Variants in AGBL1 observed in about 807,000 individuals in gnomAD.
AGBL1 encodes AGBL carboxypeptidase 1, also known as cytosolic carboxypeptidase 4.
A neutral mutation model predicts 118.9 loss-of-function variants in AGBL1; 130 were observed. That is an observed-to-expected ratio of 1.09 (90% CI 0.95 to 1.26). AGBL1 has a LOEUF of 1.26. AGBL1 is among the 50% of genes most tolerant of loss of function. The pLI, the probability that AGBL1 is intolerant of heterozygous loss-of-function variation, is 0.00. For synonymous variants in AGBL1, 555 were observed against 478.9 expected (o/e 1.16, Z -2.08); for missense variants, 1,584 against 1,298.1 (o/e 1.22, Z -3.38).
In AGBL1 at chr15:86,295,400, A is replaced by G. The variant is rs2079618777; in HGVS notation, c.2366A>G (p.Glu789Gly). The G allele has an allele frequency of 6.4e-7, 1 of 1,571,756 alleles. No homozygotes were observed. The highest frequency in any genetic ancestry group is 1.4e-5 in the African/African-American group (1 of 72,684). Reference sequence around the variant, plus strand: ...GAGTCCAACAGTGATGAGCATCTAGAGCAGTTCCGTGAGTAAAATGGGATC... The same window carrying G: ...GAGTCCAACAGTGATGAGCATCTAGGGCAGTTCCGTGAGTAAAATGGGATC... ...MPESNSDEHL[E>G]QFRHRPYQVI... Residue 789 changes from glutamate to glycine, a missense_variant, in exon 17 of 23, where the codon GAG (glutamate) becomes GGG (glycine). Transcript: ENST00000614907.
At chr15:86,761,375 G>C (rs1300134829) in intron 22 of AGBL1, among the ~76,000 whole-genome samples, 1 of 152,042 alleles carries the variant, frequency 6.6e-6, no homozygotes, top group Non-Finnish European at 1.5e-5. Context: ...TTGTGTTTCT[G>C]AATTCATGCA....
chr15:86,342,626 G>C (rs576808809), intron 17 of AGBL1, among the ~76,000 whole-genome samples: 2 of 152,234 alleles, frequency 1.3e-5, no homozygotes, highest in East Asian at 3.9e-4. Flanking sequence ...TGAATACCTT[G>C]GACTTCAGGG....
At chr15:86,833,660 C>A (rs1441574009) in intron 22 of AGBL1, among the ~76,000 whole-genome samples, 3 of 152,032 alleles carry the variant, frequency 2.0e-5, no homozygotes, top group Non-Finnish European at 4.4e-5. Flanking sequence ...CATTTCAGAC[C>A]AAAAGAATGC....
intron 22 of AGBL1, among the ~76,000 whole-genome samples, chr15:86,703,228 G>A (rs1306153804): frequency 6.6e-6 from 1 of 152,110 alleles, no homozygotes; most frequent in Non-Finnish European, 1.5e-5. Context: ...TTTTTTAAAT[G>A]CCTAGACGAA....
At position 86,615,499 on chromosome 15, in the gene AGBL1, A is replaced by G. The variant is rs961876148; in HGVS notation, c.2995-58774A>G. Among the ~76,000 whole-genome samples, 1 of 152,240 alleles carries G rather than the reference A, an allele frequency of 6.6e-6. No individual in the cohort carries two copies. The highest frequency in any genetic ancestry group is 1.5e-5 in the Non-Finnish European group (1 of 68,048). ...CAACACAAATTGCAGGAACAGATGTAGAGGAAATGAAAAATATTCCTTGTG... is the reference window on the plus strand; with the variant it reads ...CAACACAAATTGCAGGAACAGATGTGGAGGAAATGAAAAATATTCCTTGTG... On this transcript the variant is annotated intron_variant, in intron 21 of 22. Coordinates refer to ENST00000614907, the MANE Select transcript of AGBL1 (RefSeq NM_001386094.1). The surrounding 1 kb of genome is among the most constrained non-coding windows in gnomAD (Gnocchi z 4.3).
At chr15:86,763,190 C>A (rs11635918) in intron 22 of AGBL1, among the ~76,000 whole-genome samples, 1 of 151,826 alleles carries the variant, frequency 6.6e-6, no homozygotes, top group Non-Finnish European at 1.5e-5. Flanking sequence ...AACAATAATA[C>A]TATAGATATG....
At chr15:86,444,082 G>C (rs1175252550) in intron 18 of AGBL1, among the ~76,000 whole-genome samples, 1 of 152,150 alleles carries the variant, frequency 6.6e-6, no homozygotes, top group Non-Finnish European at 1.5e-5. Context: ...CAGTGTACCA[G>C]CATTCCCCTT....
intron 18 of AGBL1, among the ~76,000 whole-genome samples, chr15:86,403,783 C>T (rs999189388): frequency 6.6e-6 from 1 of 152,152 alleles, no homozygotes; most frequent in Non-Finnish European, 1.5e-5. Context: ...GTCTATCCCA[C>T]ATTACTTTGC....
intron 18 of AGBL1, among the ~76,000 whole-genome samples, chr15:86,508,178 T>C (rs949337289): frequency 6.6e-6 from 1 of 151,948 alleles, no homozygotes; most frequent in Admixed American, 6.6e-5. Flanking sequence ...CACCTTGGCC[T>C]CCCAAAGTGC....
At chr15:86,952,195 C>A (rs1471061161) in intron 23 of AGBL1, among the ~76,000 whole-genome samples, 1 of 151,402 alleles carries the variant, frequency 6.6e-6, no homozygotes, top group Non-Finnish European at 1.5e-5. Flanking sequence ...CACGCTGCTG[C>A]ACTCCAGCCT....
At chr15:86,806,771 A>T (rs1026078693) in intron 22 of AGBL1, among the ~76,000 whole-genome samples, 4 of 151,118 alleles carry the variant, frequency 2.6e-5, no homozygotes, top group African/African-American at 9.7e-5. Context: ...TATTAATTAT[A>T]TACATAATGC....
chr15:86,247,962 A>C, intron 7 of AGBL1, 83 bp downstream of exon 7: 1 of 1,493,314 alleles, frequency 6.7e-7, no homozygotes, highest in Non-Finnish European at 9.3e-7. Context: ...CATCCCAGAT[A>C]GAGCTGGGAA....
chr15:86,308,366 T>C (rs986377707), intron 17 of AGBL1, among the ~76,000 whole-genome samples: 5 of 152,182 alleles, frequency 3.3e-5, no homozygotes, highest in Non-Finnish European at 4.4e-5. Flanking sequence ...GATTACTCCC[T>C]TTCTCTCTGC....
chr15:86,522,938 T>C lies in AGBL1; in HGVS notation c.2684T>C (p.Val895Ala). The change falls in exon 19 of 23, where the codon GTG becomes GCG. Residue 895 changes from valine (V) to alanine (A), a missense_variant and splice_region_variant. Coordinates refer to ENST00000614907, the MANE Select transcript of AGBL1 (RefSeq NM_001386094.1). ...CTGAGCAGCATTGGCCGAAGTCCCGTGGTGAGTCACTTCCTTCTGCCTCCA... is the reference window on the plus strand; with the variant it reads ...CTGAGCAGCATTGGCCGAAGTCCCGCGGTGAGTCACTTCCTTCTGCCTCCA... Reference protein sequence around the residue: ...YHLSSIGRSPVVFCDFHGHSQ... With the variant: ...YHLSSIGRSPAVFCDFHGHSQ... 1 of 1,613,788 alleles carries C rather than the reference T, an allele frequency of 6.2e-7. No homozygotes were observed. The highest frequency in any genetic ancestry group is 1.1e-5 in the South Asian group (1 of 91,080).
chr15:86,553,800 A>G (rs1192988412), intron 20 of AGBL1, among the ~76,000 whole-genome samples: 1 of 152,138 alleles, frequency 6.6e-6, no homozygotes, highest in Non-Finnish European at 1.5e-5. Context: ...GGAGTTGGCC[A>G]GGTTGGCATT....
intron 22 of AGBL1, among the ~76,000 whole-genome samples, chr15:86,718,662 T>G (rs903107283): frequency 9.9e-5 from 15 of 152,148 alleles, no homozygotes; most frequent in African/African-American, 3.4e-4. Flanking sequence ...AGAAAGAATT[T>G]GGCTAGTTGG....
At chr15:86,262,161 G>A (rs967934276) in intron 9 of AGBL1, among the ~76,000 whole-genome samples, 4 of 135,546 alleles carry the variant, frequency 3.0e-5, no homozygotes, top group African/African-American at 1.1e-4. Flanking sequence ...AATCCAAACA[G>A]CCTCCCATTC....
chr15:86,494,112 A>T (rs1369092932), intron 18 of AGBL1, among the ~76,000 whole-genome samples: 16 of 152,056 alleles, frequency 1.1e-4, no homozygotes, highest in Admixed American at 1.0e-3. Context: ...GTGGGAGATG[A>T]GTCATCTTCT....
At chr15:86,944,581 G>A (rs181177599) in intron 23 of AGBL1, among the ~76,000 whole-genome samples, 2 of 152,048 alleles carry the variant, frequency 1.3e-5, no homozygotes, top group African/African-American at 4.8e-5. Context: ...CATAAGGGAC[G>A]CACAGTAGAA....
Sources: allele counts gnomAD v4.1 joint callset (sites outside exome capture counted in the v4.1 genomes callset), GRCh38; gene constraint gnomAD v4.1.1; non-coding constraint Gnocchi (gnomAD v3.1); transcripts MANE v1.5; gene names NCBI Gene and HGNC (gene_info 2026-07-23, HGNC 2026-07-21).